The following GALNTL6 variants were observed in gnomAD, a reference collection of about 807,000 sequenced individuals.
GALNTL6 encodes the protein polypeptide N-acetylgalactosaminyltransferase-like 6.
GALNTL6 carries 46 observed loss-of-function variants against 73.7 expected under a neutral mutation model. The observed-to-expected ratio is 0.62, with a 90% CI of 0.49 to 0.80. The LOEUF (loss-of-function observed/expected upper bound fraction) is 0.80, where lower values mean the gene tolerates loss of function less well. GALNTL6 is among the 30% of genes least tolerant of loss of function. The pLI is 0.00. For missense variants in GALNTL6, 604 were observed against 755.0 expected (o/e 0.80, Z 2.34); for synonymous variants, 259 against 263.7 (o/e 0.98, Z 0.17).
At chr4:172,246,449 AAC>A (rs1353488828) in intron 3 of GALNTL6, among the ~76,000 whole-genome samples, 4 of 152,184 alleles carry the variant, frequency 2.6e-5, no homozygotes, top group Non-Finnish European at 4.4e-5. Flanking sequence ...AAAGTTTACA[AAC>A]AAAGACATTA....
intron 5 of GALNTL6, among the ~76,000 whole-genome samples, chr4:172,587,720 C>T (rs1180194169): frequency 1.3e-5 from 2 of 152,194 alleles, no homozygotes; most frequent in African/African-American, 4.8e-5. Context: ...GCAATGCCTC[C>T]TCCCAGAAGC....
At chr4:172,422,818 C>T (rs1359857594) in intron 5 of GALNTL6, among the ~76,000 whole-genome samples, 1 of 151,592 alleles carries the variant, frequency 6.6e-6, no homozygotes, top group East Asian at 2.0e-4. Context: ...ACTCCATTTT[C>T]CAGTTGCCCA....
chr4:172,572,658 T>C (rs2110952908), intron 5 of GALNTL6, among the ~76,000 whole-genome samples: 1 of 152,320 alleles, frequency 6.6e-6, no homozygotes, highest in East Asian at 1.9e-4. Context: ...CTCAAACCAA[T>C]TTCTGTGTTC....
At chr4:171,965,472 C>T (rs1739357667) in intron 2 of GALNTL6, among the ~76,000 whole-genome samples, 1 of 151,686 alleles carries the variant, frequency 6.6e-6, no homozygotes, top group African/African-American at 2.4e-5. Flanking sequence ...CTGGCTAATA[C>T]AGTGAAACCC....
intron 2 of GALNTL6, among the ~76,000 whole-genome samples, chr4:172,086,400 A>T (rs1221546826): frequency 3.9e-5 from 6 of 152,078 alleles, no homozygotes; most frequent in Non-Finnish European, 8.8e-5. Flanking sequence ...TTATAATGTC[A>T]ATTTTATTTC....
chr4:172,658,827 A>G (rs1731221790), intron 5 of GALNTL6, among the ~76,000 whole-genome samples: 1 of 152,228 alleles, frequency 6.6e-6, no homozygotes, highest in Non-Finnish European at 1.5e-5. Flanking sequence ...GCATCAGAGT[A>G]AACATGTTTT....
chr4:171,939,968 C>G (rs1738476491), intron 2 of GALNTL6, among the ~76,000 whole-genome samples: 1 of 152,150 alleles, frequency 6.6e-6, no homozygotes, highest in Admixed American at 6.5e-5. Context: ...AAGCTATCAA[C>G]TTCAGAGTCC....
chr4:172,899,075 A>G (rs1482405643), intron 8 of GALNTL6, among the ~76,000 whole-genome samples: 1 of 152,156 alleles, frequency 6.6e-6, no homozygotes, highest in Non-Finnish European at 1.5e-5. Context: ...TAAGCCCTTA[A>G]AAGGGACAGG....
At chr4:172,967,213 A>G (rs1341795695) in intron 10 of GALNTL6, among the ~76,000 whole-genome samples, 1 of 152,202 alleles carries the variant, frequency 6.6e-6, no homozygotes, top group Non-Finnish European at 1.5e-5. Context: ...GCCTTCACTT[A>G]CATTTTCCCT....
intron 2 of GALNTL6, among the ~76,000 whole-genome samples, chr4:172,179,887 A>G (rs952062604): frequency 6.6e-6 from 1 of 152,174 alleles, no homozygotes; most frequent in Admixed American, 6.6e-5. Flanking sequence ...GCTATTGTGA[A>G]CAGTGCTGCA....
At chr4:172,837,944 A>G (rs1742999837) in intron 7 of GALNTL6, among the ~76,000 whole-genome samples, 1 of 152,266 alleles carries the variant, frequency 6.6e-6, no homozygotes, top group Non-Finnish European at 1.5e-5. Context: ...TAGGACCAAT[A>G]TGAACACTAG....
rs537843237 is a variant in GALNTL6, at chr4:172,991,883, A to G, written c.1372-17295A>G. 1.3e-4 allele frequency among the ~76,000 whole-genome samples: 20 copies of G among 152,334 alleles called. No individual in the cohort carries two copies. In the East Asian group the frequency reaches 3.9e-3, roughly 29 times the overall value. On this transcript the variant is annotated intron_variant, in intron 10 of 12. Coordinates refer to ENST00000506823, the MANE Select transcript of GALNTL6 (RefSeq NM_001034845.3). ...ACACAGAGCCCAGTTCCGGCCCTGC[A>G]TTTTATTTTAATGTTTCATTTATGG...
At chr4:171,904,324 G>A (rs550561749) in intron 2 of GALNTL6, among the ~76,000 whole-genome samples, 1 of 152,100 alleles carries the variant, frequency 6.6e-6, no homozygotes, top group African/African-American at 2.4e-5. Flanking sequence ...TGAAAACCAA[G>A]GCTCGAGAAC....
intron 2 of GALNTL6, among the ~76,000 whole-genome samples, chr4:171,885,672 G>A (rs1168800578): frequency 1.3e-5 from 2 of 152,000 alleles, no homozygotes; most frequent in Non-Finnish European, 1.5e-5. Flanking sequence ...CTAGCACAGT[G>A]GCACACACCT....
At chr4:172,980,382 A>G (rs1263413751) in intron 10 of GALNTL6, among the ~76,000 whole-genome samples, 1 of 152,124 alleles carries the variant, frequency 6.6e-6, no homozygotes, top group Non-Finnish European at 1.5e-5. Context: ...CCATCACCAG[A>G]ATTTTTTTTA....
intron 5 of GALNTL6, among the ~76,000 whole-genome samples, chr4:172,485,826 T>C (rs999454862): frequency 2.6e-5 from 4 of 152,122 alleles, no homozygotes; most frequent in African/African-American, 9.7e-5. Context: ...ATGTGAGAAA[T>C]GGTTCTAAAT....
intron 9 of GALNTL6, among the ~76,000 whole-genome samples, chr4:172,944,466 C>T (rs1749062525): frequency 6.6e-6 from 1 of 152,352 alleles, no homozygotes; most frequent in South Asian, 2.1e-4. Context: ...AGACTGACCA[C>T]ACCACATGTT....
chr4:172,606,807 A>G (rs1285163618), intron 5 of GALNTL6, among the ~76,000 whole-genome samples: 1 of 150,778 alleles, frequency 6.6e-6, no homozygotes. Context: ...GGAGAGGAGT[A>G]TCGAGCTTCA....
At chr4:172,871,065 A>G (rs894541985) in intron 7 of GALNTL6, among the ~76,000 whole-genome samples, 1 of 152,006 alleles carries the variant, frequency 6.6e-6, no homozygotes, top group East Asian at 1.9e-4. Context: ...CCAGAAAAAA[A>G]TTTTTTTAAG....
Sources: allele counts gnomAD v4.1 joint callset (sites outside exome capture counted in the v4.1 genomes callset), GRCh38; gene constraint gnomAD v4.1.1; transcripts MANE v1.5; gene names NCBI Gene and HGNC (gene_info 2026-07-23, HGNC 2026-07-21).